The following UGGT1 variants were observed in gnomAD, a reference collection of about 807,000 sequenced individuals.
UGGT1 encodes UDP-glucose glycoprotein glucosyltransferase 1.
Under a neutral mutation model 203.9 loss-of-function variants are expected in UGGT1, and 107 were observed. That is an observed-to-expected ratio of 0.52 (90% CI 0.45 to 0.62). The LOEUF (loss-of-function observed/expected upper bound fraction) is 0.62, where lower values mean the gene tolerates loss of function less well. Ranked by LOEUF, UGGT1 falls within the 20% of genes least tolerant of loss-of-function variation. The pLI is 0.00. For synonymous variants in UGGT1, 628 were observed against 653.5 expected, an observed-to-expected ratio of 0.96 and a Z score of 0.59; for missense variants, 1,673 against 1,867.2, an observed-to-expected ratio of 0.90 and a Z score of 1.92.
intron 1 of UGGT1, among the ~76,000 whole-genome samples, chr2:128,093,423 T>C (rs1372047896): frequency 1.3e-5 from 2 of 152,172 alleles, no homozygotes; most frequent in African/African-American, 4.8e-5. Flanking sequence ...GTGGAGACCA[T>C]GATAGACAAA....
chr2:128,179,840 C>A lies in UGGT1; in HGVS notation c.3870C>A (p.Phe1290Leu), dbSNP rs1382401499. The A allele has an allele frequency of 6.2e-7, 1 of 1,613,910 alleles. No homozygotes were observed. Among genetic ancestry groups the A allele is most frequent in the Admixed American group, 1.7e-5 (1 of 59,960 alleles). Reference protein sequence around the residue: ...KNTKTPVKFWFLKNYLSPTFK... With the variant: ...KNTKTPVKFWLLKNYLSPTFK... ...CCAAGACTCCTGTGAAATTCTGGTTCTTGAAGAATTACTTGTCCCCCACAT... is the reference window on the plus strand; with the variant it reads ...CCAAGACTCCTGTGAAATTCTGGTTATTGAAGAATTACTTGTCCCCCACAT... The change falls in exon 35 of 41, where the codon TTC becomes TTA. Residue 1290 changes from phenylalanine (F) to leucine (L), a missense_variant. By Grantham distance (22) the Phe-to-Leu change is conservative. This residue lies in a region of UGGT1 where 513 missense variants were observed against 684.1 expected (regional missense o/e 0.75). Transcript: ENST00000259253.
chr2:128,150,879 C>T (rs1029420999), intron 18 of UGGT1, among the ~76,000 whole-genome samples: 2 of 151,884 alleles, frequency 1.3e-5, no homozygotes, highest in Non-Finnish European at 2.9e-5. Flanking sequence ...GAGATGGAGC[C>T]TCGCTTTGTC....
chr2:128,107,183 T>C (rs1223885608), intron 3 of UGGT1, among the ~76,000 whole-genome samples: 2 of 73,360 alleles, frequency 2.7e-5, no homozygotes, highest in Non-Finnish European at 6.4e-5. Flanking sequence ...TGTATTCTTA[T>C]TTCTCATTCT....
rs1219710514 is a variant in UGGT1 at position 128,157,343 on chromosome 2, T to C, written c.2352T>C (p.His784=). 6.2e-7 allele frequency: 1 copy of C among 1,612,772 alleles called. No homozygotes were observed. The highest frequency in any genetic ancestry group is 1.3e-5 in the African/African-American group (1 of 75,012). Residue 784 remains histidine (H), a synonymous_variant, in exon 22 of 41, where the codon CAT becomes CAC. Transcript: ENST00000259253. ...AGTTACTGTATGATGCCATCAAACA[T>C]CAGGCAAGTATCTATGACTTCATTT... is the stretch of plus-strand genomic sequence containing the variant. The part of the protein sequence containing the change: ...GRQLLYDAIK[H]QKSSNNVRIS...
chr2:128,183,931 T>TGTGTGTGTGTGTGTGG, intron 38 of UGGT1, 142 bp downstream of exon 38: 1 of 559,594 alleles, frequency 1.8e-6, no homozygotes, highest in South Asian at 2.1e-5. Context: ...TGTGTGTGTG[T>TGTGTGTGTGTGTGTGG]GTGTGTGAGA....
At chr2:128,182,807 A>G (rs541721906) in intron 37 of UGGT1, among the ~76,000 whole-genome samples, 10 of 150,006 alleles carry the variant, frequency 6.7e-5, no homozygotes, top group African/African-American at 2.0e-4. Flanking sequence ...TTGACTGTCT[A>G]TCCTTCCAGA....
chr2:128,183,723 T>C lies in UGGT1; in HGVS notation c.4293T>C (p.Gly1431=). ...DLKKFRKIAA[G]DRLRGQYQGL... is the part of the protein sequence containing the mutation. ...AGAAGTTTAGGAAAATAGCTGCTGGTGACAGACTCAGGGGACAGTACCAAG... is the reference window on the plus strand; with the variant it reads ...AGAAGTTTAGGAAAATAGCTGCTGGCGACAGACTCAGGGGACAGTACCAAG... The change falls in exon 38 of 41, where the codon GGT becomes GGC. Residue 1431 remains glycine, a synonymous_variant. Coordinates refer to ENST00000259253, the MANE Select transcript of UGGT1 (RefSeq NM_020120.4). 6.2e-7 allele frequency: 1 copy of C among 1,614,098 alleles called. No homozygotes were observed. The highest frequency in any genetic ancestry group is 8.5e-7 in the Non-Finnish European group (1 of 1,179,982).
chr2:128,154,463 CTT>C (rs1558800116), intron 19 of UGGT1, among the ~76,000 whole-genome samples: 1 of 152,208 alleles, frequency 6.6e-6, no homozygotes, highest in Non-Finnish European at 1.5e-5. Context: ...CTGGCATCCT[CTT>C]GACCTGGTGG....
intron 16 of UGGT1, among the ~76,000 whole-genome samples, chr2:128,142,456 G>A (rs1451720471): frequency 2.7e-5 from 4 of 150,936 alleles, no homozygotes; most frequent in African/African-American, 9.7e-5. Context: ...GTGGAGGCGT[G>A]TGCCTGTAGT....
At chr2:128,145,618 A>C (rs1372928640) in intron 17 of UGGT1, 185 bp from the exon 18 acceptor site, 2 of 596,584 alleles carry the variant, frequency 3.4e-6, no homozygotes, top group East Asian at 3.3e-5. Context: ...TCTCAGATTT[A>C]CATAGTAGGA....
rs376827910 is a variant in UGGT1, at chr2:128,187,627, C to T, written c.4642+13C>T. ...CCAAGCCGAGAAGGTAAGCACAAAC[C>T]GTTGGTTTTAGGACAGTACTTCTTT... On this transcript the variant is annotated intron_variant, in intron 40 of 40. Transcript: ENST00000259253. 1.9e-5 allele frequency: 30 copies of T among 1,606,134 alleles called. No individual in the cohort carries two copies. Among genetic ancestry groups the T allele is most frequent in the Non-Finnish European group, 2.5e-5 (29 of 1,174,872 alleles).
intron 26 of UGGT1, among the ~76,000 whole-genome samples, chr2:128,166,875 G>T (rs761709981): frequency 1.3e-5 from 2 of 152,198 alleles, no homozygotes; most frequent in African/African-American, 2.4e-5. Flanking sequence ...TGATCAGTCT[G>T]GCATGGATTG....
chr2:128,164,158 T>TCAAA (rs909527083), intron 25 of UGGT1, among the ~76,000 whole-genome samples: 5 of 152,092 alleles, frequency 3.3e-5, no homozygotes, highest in South Asian at 2.1e-4. Flanking sequence ...AGACCCTGAC[T>TCAAA]CAAACAAACA....
At chr2:128,127,549 C>A in intron 12 of UGGT1, 97 bp downstream of exon 12, 1 of 938,688 alleles carries the variant, frequency 1.1e-6, no homozygotes, top group Non-Finnish European at 1.7e-6. Flanking sequence ...TGGCATGATG[C>A]AAAGTCTGAT....
At chr2:128,123,554 T>A (rs1478925759) in intron 11 of UGGT1, among the ~76,000 whole-genome samples, 3 of 152,224 alleles carry the variant, frequency 2.0e-5, no homozygotes, top group Non-Finnish European at 4.4e-5. Context: ...GAATTCTAGC[T>A]TACATTGGTA....
rs1691834966 is a variant in UGGT1 at position 128,183,873 on chromosome 2, G to A, written c.4359+84G>A. 5.9e-6 allele frequency: 6 copies of A among 1,014,262 alleles called. No individual in the cohort carries two copies. The South Asian group carries it at 8.3e-5, about 14-fold the overall frequency. 62.8% of individuals were successfully genotyped at this position (1,014,262 alleles called of 1,614,324 possible). A position where few individuals can be genotyped will look rare whatever the true frequency, so the allele number is the denominator to read the frequency against. The stretch of plus-strand genomic sequence containing the variant: ...AAATGAAGTATTACTTGTGTCTTCA[G>A]TCCTCTCCTCACAGGATGGCGTCTT... On this transcript the variant is annotated intron_variant, in intron 38 of 40. Coordinates refer to ENST00000259253, the MANE Select transcript of UGGT1 (RefSeq NM_020120.4).
At chr2:128,172,849 A>C in intron 29 of UGGT1, 87 bp downstream of exon 29, 1 of 1,243,518 alleles carries the variant, frequency 8.0e-7, no homozygotes, top group South Asian at 1.4e-5. Context: ...CTGAGACATC[A>C]GTGTTCAGGT....
intron 8 of UGGT1, among the ~76,000 whole-genome samples, chr2:128,119,672 A>T (rs1368915568): frequency 6.6e-6 from 1 of 152,216 alleles, no homozygotes; most frequent in African/African-American, 2.4e-5. Flanking sequence ...GACTGGCAGC[A>T]GTTTTTTTCC....
In UGGT1 at chr2:128,103,987, CA is replaced by C; in HGVS notation, c.254del (p.Asn85IlefsTer53). On this transcript the variant is annotated frameshift_variant, in exon 3 of 41. Transcript: ENST00000259253. LOFTEE classifies it high-confidence loss of function. ...EKFWNFVEAS[Q>X]NIGSSDHDGT... ...ATTTTGGAATTTTGTAGAAGCCAGTCAAAATATTGGATCATCAGATCATGAC... is the reference window on the plus strand; with the variant it reads ...ATTTTGGAATTTTGTAGAAGCCAGTCAAATATTGGATCATCAGATCATGAC... 1 of 1,590,136 alleles carries C rather than the reference CA, an allele frequency of 6.3e-7. No individual in the cohort carries two copies. The highest frequency in any genetic ancestry group is 8.5e-7 in the Non-Finnish European group (1 of 1,172,742).
Sources: gnomAD v4.1 joint callset for allele counts (sites outside exome capture counted in the v4.1 genomes callset) on GRCh38, gnomAD v4.1.1 for gene constraint, gnomAD v4.1.1 regional missense constraint, MANE v1.5 for transcripts, NCBI Gene and HGNC (gene_info 2026-07-23, HGNC 2026-07-21) for gene names.